The following ACTR3C variants were observed in gnomAD, a reference collection of about 807,000 sequenced individuals.
ACTR3C encodes actin related protein 3C, also known as actin-related protein 3C.
In ACTR3C, 18 loss-of-function variants were observed where a neutral mutation model predicts 26.3. The ratio of observed to expected loss-of-function variants is 0.68; its 90% confidence interval spans 0.47 to 1.01. The LOEUF is 1.01. Among genes scored for constraint, ACTR3C ranks in the 50% least tolerant of loss-of-function variants. ACTR3C has a pLI of 0.00. For synonymous variants in ACTR3C, 55 were observed against 94.5 expected, an observed-to-expected ratio of 0.58 and a Z score of 2.42; for missense variants, 184 against 250.7, an observed-to-expected ratio of 0.73 and a Z score of 1.80.
the ACTR3C span, among the ~76,000 whole-genome samples, chr7:149,999,914 G>A: frequency 2.0e-4 from 30 of 151,884 alleles, no homozygotes; most frequent in Admixed American, 1.3e-3. Flanking sequence ...TATAAATCAC[G>A]TTGACCTTTG....
At chr7:150,043,678 T>G in the ACTR3C span, among the ~76,000 whole-genome samples, 2 of 152,246 alleles carry the variant, frequency 1.3e-5, no homozygotes. Flanking sequence ...CACCAAGCAC[T>G]GGTCCTATTG....
chr7:150,023,338 C>CATACATACATACATACATAG, the ACTR3C span, among the ~76,000 whole-genome samples: 328 of 46,038 alleles, frequency 7.1e-3, 14 homozygotes, highest in East Asian at 0.056. Flanking sequence ...TACATACATA[C>CATACATACATACATACATAG]ATATATATTT....
rs1335665715 is a variant in ACTR3C at position 150,274,455 on chromosome 7, A to T, written c.564+10298T>A. On this transcript the variant is annotated intron_variant, in intron 6 of 7. Transcript: ENST00000683684. This position sits in a 1 kb window ranked among gnomAD's most constrained non-coding sequence, Gnocchi z 4.1. ...AAACATAGCCTTCATGTGCACCAGG[A>T]AACCAAAAAATGTGTGTGGCTCACT... is the stretch of plus-strand genomic sequence containing the variant. Among the ~76,000 whole-genome samples the T allele has an allele frequency of 6.6e-6, 1 of 152,254 alleles. No individual in the cohort carries two copies. Among genetic ancestry groups the T allele is most frequent in the African/African-American group, 2.4e-5 (1 of 41,472 alleles).
chr7:150,033,800 G>C, the ACTR3C span, among the ~76,000 whole-genome samples: 6 of 152,088 alleles, frequency 3.9e-5, no homozygotes, highest in East Asian at 1.9e-4. Context: ...AGAGCCAGGG[G>C]GGGAAGAGGG....
chr7:150,219,633 G>A, the ACTR3C span, among the ~76,000 whole-genome samples: 4 of 137,326 alleles, frequency 2.9e-5, no homozygotes, highest in Non-Finnish European at 5.9e-5. Context: ...CATTTCCCAA[G>A]TCCCTCACAC....
chr7:150,095,297 C>T, the ACTR3C span, among the ~76,000 whole-genome samples: 1 of 150,114 alleles, frequency 6.7e-6, no homozygotes, highest in Admixed American at 6.6e-5. Context: ...TGTGGAGCTC[C>T]CAACAGCACT....
At chr7:149,892,597 A>AT in the ACTR3C span, among the ~76,000 whole-genome samples, 3 of 105,904 alleles carry the variant, frequency 2.8e-5, no homozygotes, top group Admixed American at 3.2e-4. Context: ...TTCTGGTATG[A>AT]TTTTCAGAAT....
At chr7:150,051,376 C>CCACA in the ACTR3C span, among the ~76,000 whole-genome samples, 329 of 133,868 alleles carry the variant, frequency 2.5e-3, no homozygotes, top group African/African-American at 8.3e-3. Context: ...CTCCCCTTAT[C>CCACA]CACACACACA....
chr7:149,911,041 G>A, the ACTR3C span, among the ~76,000 whole-genome samples: 1,931 of 152,068 alleles, frequency 0.013, 43 homozygotes, highest in African/African-American at 0.044. Context: ...CAGAGTACAA[G>A]GCCAAGTGGA....
At chr7:150,111,240 C>T in the ACTR3C span, among the ~76,000 whole-genome samples, 1 of 118,382 alleles carries the variant, frequency 8.4e-6, no homozygotes, top group Non-Finnish European at 1.8e-5. Context: ...CAGCTGGGGT[C>T]CTGCTTCCCG....
the ACTR3C span, among the ~76,000 whole-genome samples, chr7:149,943,991 C>A: frequency 2.1e-5 from 3 of 141,392 alleles, no homozygotes; most frequent in African/African-American, 9.2e-5. Context: ...TAATTATGTA[C>A]GTAACAGGGA....
At chr7:150,202,933 C>T in the ACTR3C span, among the ~76,000 whole-genome samples, 1 of 152,190 alleles carries the variant, frequency 6.6e-6, no homozygotes, top group African/African-American at 2.4e-5. Flanking sequence ...ATGTCTAACC[C>T]CAGTTCAAAG....
At chr7:149,885,834 A>G in the ACTR3C span, among the ~76,000 whole-genome samples, 1 of 152,286 alleles carries the variant, frequency 6.6e-6, no homozygotes, top group East Asian at 1.9e-4. Context: ...CAGCAAACAT[A>G]TTTCTCTTTT....
At chr7:150,072,904 C>CT in the ACTR3C span, among the ~76,000 whole-genome samples, 21 of 152,056 alleles carry the variant, frequency 1.4e-4, 1 homozygote, top group East Asian at 1.6e-3. Context: ...AAGGGACAAA[C>CT]CACCTGCCCA....
chr7:150,285,105 AC>A (rs1835665991), intron 5 of ACTR3C, among the ~76,000 whole-genome samples: 1 of 152,118 alleles, frequency 6.6e-6, no homozygotes, highest in Admixed American at 6.5e-5. Context: ...GACCACCCCC[AC>A]CCCATGAATA....
the ACTR3C span, among the ~76,000 whole-genome samples, chr7:150,119,827 A>G: frequency 2.6e-5 from 4 of 152,186 alleles, no homozygotes; most frequent in Admixed American, 2.6e-4. Flanking sequence ...TGATCACATA[A>G]TTGGAAGTAA....
chr7:149,961,319 G>A, the ACTR3C span, among the ~76,000 whole-genome samples: 1 of 151,534 alleles, frequency 6.6e-6, no homozygotes, highest in East Asian at 1.9e-4. Context: ...CAGAGAGGAA[G>A]TATGTGTTTA....
chr7:150,277,326 G>A (rs1418672319), intron 6 of ACTR3C, among the ~76,000 whole-genome samples: 3 of 152,154 alleles, frequency 2.0e-5, no homozygotes, highest in Non-Finnish European at 4.4e-5. Flanking sequence ...AAAAGAGATC[G>A]TGAGATACCC....
At chr7:149,960,419 G>C in the ACTR3C span, among the ~76,000 whole-genome samples, 49 of 152,324 alleles carry the variant, frequency 3.2e-4, 1 homozygote, top group South Asian at 9.5e-3. Context: ...TAAAGATTCT[G>C]TGGTTCTCCT....
Sources: gnomAD v4.1 joint callset for allele counts (sites outside exome capture counted in the v4.1 genomes callset) on GRCh38, gnomAD v4.1.1 for gene constraint, Gnocchi (gnomAD v3.1) non-coding constraint, MANE v1.5 for transcripts, NCBI Gene and HGNC (gene_info 2026-07-23, HGNC 2026-07-21) for gene names.